Variants in SH3D19 observed in about 807,000 individuals in gnomAD.
The protein encoded by SH3D19 is SH3 domain containing 19.
In SH3D19, 58 loss-of-function variants were observed where a neutral mutation model predicts 112.1. The ratio of observed to expected loss-of-function variants is 0.52; its 90% CI spans 0.42 to 0.64. The LOEUF (loss-of-function observed/expected upper bound fraction) is 0.64, where lower values mean the gene tolerates loss of function less well. Among genes scored for constraint, SH3D19 ranks in the 30% least tolerant of loss-of-function variants. The pLI is 0.00. For synonymous variants in SH3D19, 391 were observed against 448.5 expected, an observed-to-expected ratio of 0.87 and a Z score of 1.62; for missense variants, 1,090 against 1,263.4, an observed-to-expected ratio of 0.86 and a Z score of 2.08.
chr4:151,308,234 G>C (rs1729110488), intron 1 of SH3D19, among the ~76,000 whole-genome samples: 1 of 152,166 alleles, frequency 6.6e-6, no homozygotes, highest in South Asian at 2.1e-4. Flanking sequence ...ACTCAAGACT[G>C]TCCTATTTGA....
chr4:151,248,868 G>T (rs1771145137), intron 1 of SH3D19, among the ~76,000 whole-genome samples: 1 of 152,104 alleles, frequency 6.6e-6, no homozygotes. Context: ...ATACTCCCAA[G>T]ATTTCCTTAG....
chr4:151,130,723 C>T (rs1483262798), intron 17 of SH3D19, among the ~76,000 whole-genome samples: 6 of 152,048 alleles, frequency 3.9e-5, no homozygotes, highest in Non-Finnish European at 8.8e-5. Flanking sequence ...GGGTGGATCA[C>T]GAGGTCAGGA....
chr4:151,303,268 G>A (rs1301377258), intron 1 of SH3D19, among the ~76,000 whole-genome samples: 1 of 152,152 alleles, frequency 6.6e-6, no homozygotes, highest in African/African-American at 2.4e-5. Context: ...AAATTAGCCA[G>A]TGTTTTGAAA....
intron 1 of SH3D19, among the ~76,000 whole-genome samples, chr4:151,307,478 G>C (rs184794585): frequency 2.0e-5 from 3 of 152,358 alleles, no homozygotes; most frequent in South Asian, 2.1e-4. Flanking sequence ...AGCCACTCGC[G>C]TCTGGGCGCC....
intron 1 of SH3D19, among the ~76,000 whole-genome samples, chr4:151,295,963 G>A (rs1429737293): frequency 6.6e-6 from 1 of 151,234 alleles, no homozygotes; most frequent in Non-Finnish European, 1.5e-5. Context: ...TTGAACCCAG[G>A]AGGCGGAGGT....
intron 2 of SH3D19, among the ~76,000 whole-genome samples, chr4:151,194,630 G>A (rs1763135946): frequency 3.3e-5 from 5 of 151,136 alleles, no homozygotes; most frequent in Admixed American, 3.3e-4. Flanking sequence ...TGGCCAGGCT[G>A]GTCTCGAACT....
At chr4:151,214,827 T>C (rs1446632649) in intron 2 of SH3D19, among the ~76,000 whole-genome samples, 2 of 134,148 alleles carry the variant, frequency 1.5e-5, no homozygotes, top group African/African-American at 2.6e-5. Flanking sequence ...CCCACCTCCC[T>C]CCTGGACAGG....
chr4:151,310,375 C>A (rs1200357539), intron 1 of SH3D19, among the ~76,000 whole-genome samples: 4 of 151,344 alleles, frequency 2.6e-5, no homozygotes, highest in African/African-American at 7.3e-5. Context: ...CCCTGTTGCA[C>A]CAAACAAAGA....
intron 9 of SH3D19, among the ~76,000 whole-genome samples, chr4:151,150,886 T>C (rs1561236887): frequency 6.6e-6 from 1 of 151,876 alleles, no homozygotes; most frequent in South Asian, 2.1e-4. Flanking sequence ...GATCTTCTGT[T>C]GAGTGGGAAG....
Position 151,175,414 on chromosome 4 carries a change from G to A in SH3D19, c.790C>T (p.Arg264Trp), listed in dbSNP as rs754870445. ...AAVGEESSPG[R>W]PQSLLDNAST... Reference sequence around the variant, plus strand: ...GCGTTGTCCAGCAGAGACTGGGGCCGGCCTGGGGATGACTCCTCTCCTACG... The same window carrying A: ...GCGTTGTCCAGCAGAGACTGGGGCCAGCCTGGGGATGACTCCTCTCCTACG... Residue 264 changes from arginine (R) to tryptophan (W), a missense_variant, in exon 7 of 20, where the codon CGG becomes TGG. Coordinates refer to ENST00000604030, the MANE Select transcript of SH3D19 (RefSeq NM_001378122.1). 243 of 1,541,374 alleles carry A rather than the reference G, an allele frequency of 1.6e-4. No individual in the cohort carries two copies. Among genetic ancestry groups the A allele is most frequent in the Admixed American group, 4.3e-4 (21 of 48,544 alleles).
intron 2 of SH3D19, among the ~76,000 whole-genome samples, chr4:151,211,842 T>C (rs889609568): frequency 6.6e-6 from 1 of 152,218 alleles, no homozygotes; most frequent in Admixed American, 6.5e-5. Context: ...GGTTGGTTCA[T>C]GCAATTTAAG....
intron 2 of SH3D19, among the ~76,000 whole-genome samples, chr4:151,220,082 CTA>C (rs1767785811): frequency 6.6e-6 from 1 of 152,228 alleles, no homozygotes; most frequent in South Asian, 2.1e-4. Flanking sequence ...ACACAGAACT[CTA>C]TGCATTCATC....
At chr4:151,242,866 T>C (rs113738628) in intron 1 of SH3D19, among the ~76,000 whole-genome samples, 62 of 152,208 alleles carry the variant, frequency 4.1e-4, no homozygotes, top group African/African-American at 1.3e-3. Context: ...AAAAGATAAA[T>C]GATCTTTCAA....
chr4:151,293,771 T>A lies in SH3D19; in HGVS notation c.112+31470A>T, dbSNP rs148885222. On this transcript the variant is annotated intron_variant, in intron 1 of 19. Transcript: ENST00000604030. ...AAGGACAAAATCCCTTATTGTGGCC[T>A]ACAAAGTCCGGCCAATCTGACCCCA... Among the ~76,000 whole-genome samples the A allele has an allele frequency of 1.6e-4, 24 of 152,352 alleles. No individual in the cohort carries two copies. The East Asian group carries it at 4.4e-3, about 28-fold the overall frequency.
At position 151,267,169 on chromosome 4, in the gene SH3D19, A is replaced by AT. The variant is rs1404191591; in HGVS notation, c.113-41084_113-41083insA. Among the ~76,000 whole-genome samples the AT allele has an allele frequency of 4.6e-3, 480 of 105,140 alleles. 5 individuals carry two copies. Among genetic ancestry groups the AT allele is most frequent in the African/African-American group, 0.013 (456 of 36,430 alleles). 69.0% of individuals were successfully genotyped at this position (105,140 alleles called of 152,430 possible). A position where few individuals can be genotyped will look rare whatever the true frequency, so the allele number is the denominator to read the frequency against. Reference sequence around the variant, plus strand: ...CTCAGTCTCTCTCTAAAAAAAAAAAAAAATAAATAAAATAAATTAGTCTAG... The same window carrying AT: ...CTCAGTCTCTCTCTAAAAAAAAAAAATAAATAAATAAAATAAATTAGTCTAG... On this transcript the variant is annotated intron_variant, in intron 1 of 19. Transcript: ENST00000604030.
At chr4:151,223,880 T>C (rs1222513943) in intron 2 of SH3D19, among the ~76,000 whole-genome samples, 1 of 152,236 alleles carries the variant, frequency 6.6e-6, no homozygotes, top group Middle Eastern at 3.2e-3. Flanking sequence ...ACTTATTAAA[T>C]AGAATATCTG....
At chr4:151,178,773 G>T (rs1027302844) in intron 4 of SH3D19, among the ~76,000 whole-genome samples, 8 of 152,016 alleles carry the variant, frequency 5.3e-5, no homozygotes, top group Non-Finnish European at 1.0e-4. Flanking sequence ...CTATCTGATT[G>T]AATGTCATGA....
chr4:151,196,293 T>C (rs11099791), intron 2 of SH3D19, among the ~76,000 whole-genome samples: 120,323 of 152,132 alleles, frequency 0.79, 49,098 homozygotes, highest in East Asian at 0.92. Context: ...GATGTGGTGG[T>C]GCGTGCCTGC....
rs1208592003 is a variant in SH3D19, at chr4:151,134,828, C to G, written c.2486+246G>C. Among the ~76,000 whole-genome samples, 3 of 152,210 alleles carry G rather than the reference C, an allele frequency of 2.0e-5. No homozygotes were observed. The East Asian group carries it at 5.8e-4, about 29-fold the overall frequency. On this transcript the variant is annotated intron_variant, in intron 15 of 19. Coordinates refer to ENST00000604030, the MANE Select transcript of SH3D19 (RefSeq NM_001378122.1). ...ACACGATGAGAATCTGAATTATCAC[C>G]ATATGAAGTGTTTTCTTTTAAAATA... is the stretch of plus-strand genomic sequence containing the variant.
Sources: gnomAD v4.1 joint callset for allele counts (sites outside exome capture counted in the v4.1 genomes callset) on GRCh38, gnomAD v4.1.1 for gene constraint, MANE v1.5 for transcripts, NCBI Gene and HGNC (gene_info 2026-07-23, HGNC 2026-07-21) for gene names.